Variants in DGKI observed in about 807,000 individuals in gnomAD.
DGKI encodes the protein DAG kinase iota.
A neutral mutation model predicts 147.5 loss-of-function variants in DGKI; 55 were observed. The observed-to-expected ratio is 0.37, with a 90% CI of 0.30 to 0.47. The LOEUF is 0.47. DGKI is among the 20% of genes least tolerant of loss of function. DGKI has a pLI of 1.00. For synonymous variants in DGKI, 469 were observed against 477.1 expected, an observed-to-expected ratio of 0.98 and a Z score of 0.22; for missense variants, 1,007 against 1,323.8, an observed-to-expected ratio of 0.76 and a Z score of 3.71.
chr7:137,638,567 C>CACATATATAT (rs1554446544), intron 6 of DGKI, among the ~76,000 whole-genome samples: 1 of 33,118 alleles, frequency 3.0e-5, no homozygotes, highest in Non-Finnish European at 6.7e-5. Flanking sequence ...TATATATACA[C>CACATATATAT]ACATATATGT....
At chr7:137,537,394 T>C (rs1817555166) in intron 20 of DGKI, among the ~76,000 whole-genome samples, 1 of 152,168 alleles carries the variant, frequency 6.6e-6, no homozygotes, top group Non-Finnish European at 1.5e-5. Flanking sequence ...AAATATGAAA[T>C]GTTCTGCTTT....
intron 1 of DGKI, among the ~76,000 whole-genome samples, chr7:137,838,441 G>A (rs113903501): frequency 0.013 from 2,030 of 152,148 alleles, 29 homozygotes; most frequent in Middle Eastern, 0.048. Context: ...CTTTCCGACC[G>A]CTTCCACATA....
chr7:137,450,106 G>A (rs1207692153), intron 27 of DGKI, among the ~76,000 whole-genome samples: 1 of 152,226 alleles, frequency 6.6e-6, no homozygotes, highest in Admixed American at 6.5e-5. Context: ...AGAGTAGAAT[G>A]GAGGTTACCA....
intron 20 of DGKI, among the ~76,000 whole-genome samples, chr7:137,546,980 C>T (rs1047163346): frequency 2.0e-5 from 3 of 152,126 alleles, no homozygotes; most frequent in Admixed American, 6.5e-5. Context: ...TTGGATGAAA[C>T]GATCATCTTT....
chr7:137,454,232 A>G (rs1814093512), intron 27 of DGKI, among the ~76,000 whole-genome samples: 1 of 152,218 alleles, frequency 6.6e-6, no homozygotes. Flanking sequence ...CATGTTGTAC[A>G]CAATAAATAT....
intron 1 of DGKI, among the ~76,000 whole-genome samples, chr7:137,723,982 A>G (rs1396453393): frequency 1.3e-5 from 2 of 152,088 alleles, no homozygotes; most frequent in Non-Finnish European, 2.9e-5. Flanking sequence ...TGCTGGGATT[A>G]TAGGGGTGAG....
chr7:137,469,632 A>ACACACACT lies in DGKI; in HGVS notation c.2374-21_2374-14dup, dbSNP rs1362410885. The ACACACACT allele has an allele frequency of 4.3e-6, 7 of 1,613,222 alleles. No individual in the cohort carries two copies. Among genetic ancestry groups the ACACACACT allele is most frequent in the Non-Finnish European group, 5.9e-6 (7 of 1,179,472 alleles). ...AGGTTTCATGGTCCTGGAAAGAGAC[A>ACACACACT]CACACACTCTAGTGGCTGCATTTCA... On this transcript the variant is annotated splice_polypyrimidine_tract_variant and intron_variant, in intron 23 of 32. Coordinates refer to ENST00000614521, the MANE Select transcript of DGKI (RefSeq NM_001321708.2).
intron 1 of DGKI, among the ~76,000 whole-genome samples, chr7:137,769,786 C>A (rs1796128223): frequency 6.6e-6 from 1 of 152,188 alleles, no homozygotes; most frequent in African/African-American, 2.4e-5. Context: ...CTATCACATG[C>A]CAGTCAGAAC....
At chr7:137,781,895 C>T (rs1173597638) in intron 1 of DGKI, among the ~76,000 whole-genome samples, 2 of 152,192 alleles carry the variant, frequency 1.3e-5, no homozygotes, top group Non-Finnish European at 2.9e-5. Flanking sequence ...ACATTTTAAT[C>T]ATAGCAGTGA....
intron 3 of DGKI, 44 bp downstream of exon 3, chr7:137,678,513 C>T (rs1324861572): frequency 4.4e-6 from 7 of 1,590,322 alleles, no homozygotes; most frequent in Non-Finnish European, 6.0e-6. Flanking sequence ...TCTATTCATT[C>T]AGATCCACAG....
intron 27 of DGKI, among the ~76,000 whole-genome samples, chr7:137,444,605 C>T (rs1813641237): frequency 1.3e-5 from 2 of 152,228 alleles, no homozygotes; most frequent in African/African-American, 2.4e-5. Context: ...TTTGAGTGAG[C>T]TGACCCTCTA....
At chr7:137,500,680 C>A (rs1190711944) in intron 21 of DGKI, among the ~76,000 whole-genome samples, 1 of 151,958 alleles carries the variant, frequency 6.6e-6, no homozygotes, top group African/African-American at 2.4e-5. Flanking sequence ...GCTTTATAAA[C>A]CAATGTTGTT....
chr7:137,758,518 T>G (rs1304063373), intron 1 of DGKI, among the ~76,000 whole-genome samples: 1 of 152,044 alleles, frequency 6.6e-6, no homozygotes, highest in Non-Finnish European at 1.5e-5. Flanking sequence ...AAACCCCATC[T>G]CTACTAAAAA....
chr7:137,801,706 T>TGTTTATATGCACAGGCTTGCACCC (rs1245286458), intron 1 of DGKI, among the ~76,000 whole-genome samples: 1 of 152,154 alleles, frequency 6.6e-6, no homozygotes, highest in Non-Finnish European at 1.5e-5. Flanking sequence ...CAAGGGAGTG[T>TGTTTATATGCACAGGCTTGCACCC]GTTTATATGC....
chr7:137,694,391 T>A (rs1373068205), intron 1 of DGKI, among the ~76,000 whole-genome samples: 1 of 152,208 alleles, frequency 6.6e-6, no homozygotes, highest in Non-Finnish European at 1.5e-5. Flanking sequence ...TTACCCACTT[T>A]GCAAATTTCT....
chr7:137,551,297 G>A (rs1818036674), intron 20 of DGKI, among the ~76,000 whole-genome samples: 1 of 152,178 alleles, frequency 6.6e-6, no homozygotes, highest in Admixed American at 6.5e-5. Context: ...ACCACAGAGA[G>A]AGAGCAGTAA....
At chr7:137,732,094 G>A (rs182392688) in intron 1 of DGKI, among the ~76,000 whole-genome samples, 1 of 152,020 alleles carries the variant, frequency 6.6e-6, no homozygotes, top group Non-Finnish European at 1.5e-5. Context: ...TTGCCTATGT[G>A]GCAATAGCTA....
Position 137,412,190 on chromosome 7 carries a change from T to C in DGKI, c.2779A>G (p.Ile927Val). Reference sequence around the variant, plus strand: ...CTTACCTTCATAAGATCACCAGCTATTACTGCCTGCAAAATTGCTGTGAAA... The same window carrying C: ...CTTACCTTCATAAGATCACCAGCTACTACTGCCTGCAAAATTGCTGTGAAA... ...SEDHAILQAV[I>V]AGDLMKLIES... The change falls in exon 29 of 33, where the codon ATA becomes GTA. Residue 927 changes from isoleucine to valine, a missense_variant. Coordinates refer to ENST00000614521, the MANE Select transcript of DGKI (RefSeq NM_001321708.2). 6.2e-7 allele frequency: 1 copy of C among 1,614,006 alleles called. No individual in the cohort carries two copies. The highest frequency in any genetic ancestry group is 8.5e-7 in the Non-Finnish European group (1 of 1,179,892).
At chr7:137,487,914 T>C (rs1815626063) in intron 21 of DGKI, among the ~76,000 whole-genome samples, 2 of 152,160 alleles carry the variant, frequency 1.3e-5, no homozygotes. Flanking sequence ...ATGTTGCCCC[T>C]TGCCACCTGC....
Sources: allele counts gnomAD v4.1 joint callset (sites outside exome capture counted in the v4.1 genomes callset), GRCh38; gene constraint gnomAD v4.1.1; transcripts MANE v1.5; gene names NCBI Gene and HGNC (gene_info 2026-07-23, HGNC 2026-07-21).